FRAS1: variants seen among roughly 807,000 people sequenced by gnomAD.
The protein encoded by FRAS1 is extracellular matrix organizing protein FRAS1.
Under a neutral mutation model 435.2 loss-of-function variants are expected in FRAS1, and 290 were observed. The ratio of observed to expected loss-of-function variants is 0.67; its 90% CI spans 0.61 to 0.73. FRAS1 has a LOEUF of 0.73. Ranked by LOEUF, FRAS1 falls within the 30% of genes least tolerant of loss-of-function variation. The pLI is 0.00. For missense variants in FRAS1, 4,860 were observed against 5,001.5 expected (o/e 0.97, Z 0.85); for synonymous variants, 1,800 against 1,851.0 (o/e 0.97, Z 0.71).
intron 2 of FRAS1, among the ~76,000 whole-genome samples, chr4:78,072,919 G>A (rs1368804817): frequency 6.6e-6 from 1 of 152,140 alleles, no homozygotes; most frequent in Non-Finnish European, 1.5e-5. Context: ...ATCGGGATGA[G>A]TTAGCAGTGG....
intron 6 of FRAS1, among the ~76,000 whole-genome samples, chr4:78,261,271 C>T (rs543507868): frequency 6.6e-6 from 1 of 152,072 alleles, no homozygotes; most frequent in East Asian, 1.9e-4. Flanking sequence ...TTGATAAAGT[C>T]TGAATATTCT....
intron 61 of FRAS1, among the ~76,000 whole-genome samples, chr4:78,504,945 G>T (rs1322451641): frequency 6.6e-6 from 1 of 152,156 alleles, no homozygotes; most frequent in Non-Finnish European, 1.5e-5. Flanking sequence ...CTCAGCATTT[G>T]CTTGTCTCTA....
chr4:78,282,222 C>T (rs1217739434), intron 11 of FRAS1, among the ~76,000 whole-genome samples: 1 of 152,186 alleles, frequency 6.6e-6, no homozygotes, highest in Non-Finnish European at 1.5e-5. Context: ...AATTTGGGTT[C>T]TCTGCCGACT....
chr4:78,532,901 G>T (rs1218238550), intron 70 of FRAS1, among the ~76,000 whole-genome samples: 1 of 152,132 alleles, frequency 6.6e-6, no homozygotes, highest in Non-Finnish European at 1.5e-5. Context: ...GACACTGGTT[G>T]TTTACAAATC....
chr4:78,508,590 A>T, intron 62 of FRAS1, 141 bp from the exon 63 acceptor site: 1 of 821,618 alleles, frequency 1.2e-6, no homozygotes, highest in South Asian at 1.9e-5. Flanking sequence ...TGCCTGGCAA[A>T]GAATTATAAA....
chr4:78,523,816 A>G (rs1721458289), intron 69 of FRAS1, among the ~76,000 whole-genome samples: 1 of 152,142 alleles, frequency 6.6e-6, no homozygotes, highest in Non-Finnish European at 1.5e-5. Flanking sequence ...CTTCATTGCC[A>G]CTTGGATGAA....
chr4:78,065,198 ATACTATATATG>A (rs1035710526), intron 1 of FRAS1, among the ~76,000 whole-genome samples: 3 of 147,360 alleles, frequency 2.0e-5, no homozygotes, highest in Admixed American at 6.9e-5. Context: ...ATATGTGTAT[ATACTATATATG>A]TACTATATAT....
intron 23 of FRAS1, 66 bp downstream of exon 23, chr4:78,370,050 T>G: frequency 6.8e-7 from 1 of 1,480,290 alleles, no homozygotes; most frequent in Non-Finnish European, 9.2e-7. Flanking sequence ...TACTGATGTC[T>G]AGTTTTCCAT....
intron 18 of FRAS1, among the ~76,000 whole-genome samples, chr4:78,320,882 G>A (rs964813910): frequency 2.0e-5 from 3 of 152,236 alleles, no homozygotes; most frequent in African/African-American, 7.2e-5. Flanking sequence ...GGTTGAAAGT[G>A]GAGGAGCTAG....
At chr4:78,363,863 G>T (rs770466342) in intron 21 of FRAS1, 45 bp from the exon 22 acceptor site, 2 of 1,575,744 alleles carry the variant, frequency 1.3e-6, no homozygotes, top group Admixed American at 1.8e-5. Context: ...CTTTGGAAGA[G>T]AATCTGACAT....
intron 2 of FRAS1, among the ~76,000 whole-genome samples, chr4:78,149,493 G>A (rs1352925308): frequency 6.6e-6 from 1 of 152,118 alleles, no homozygotes; most frequent in African/African-American, 2.4e-5. Flanking sequence ...ATTGATTCTT[G>A]AGTCTCCCTC....
chr4:78,103,285 T>G (rs1273397002), intron 2 of FRAS1, among the ~76,000 whole-genome samples: 1 of 152,152 alleles, frequency 6.6e-6, no homozygotes, highest in Non-Finnish European at 1.5e-5. Flanking sequence ...TAGTATTTCC[T>G]TTTTCAATTT....
chr4:78,215,638 A>G (rs942708501), intron 2 of FRAS1, among the ~76,000 whole-genome samples: 1 of 152,082 alleles, frequency 6.6e-6, no homozygotes, highest in Non-Finnish European at 1.5e-5. Context: ...TCCCTTGGCA[A>G]CCTCCATTCT....
chr4:78,159,651 A>T (rs1359808130), intron 2 of FRAS1, among the ~76,000 whole-genome samples: 1 of 152,042 alleles, frequency 6.6e-6, no homozygotes, highest in African/African-American at 2.4e-5. Context: ...GAGGCCAAGG[A>T]GGGTAGATCA....
In FRAS1 at chr4:78,482,608, C is replaced by T. The variant is rs1038605013; in HGVS notation, c.8752+73C>T. The stretch of plus-strand genomic sequence containing the variant: ...TTTTCTTTAACGTCCACATATGTGA[C>T]ATTGGAACTCATTCACATTTTCATT... On this transcript the variant is annotated intron_variant, in intron 58 of 73. Coordinates refer to ENST00000512123, the MANE Select transcript of FRAS1 (RefSeq NM_025074.7). 44 of 1,428,266 alleles carry T rather than the reference C, an allele frequency of 3.1e-5. No individual in the cohort carries two copies. In the African/African-American group the frequency reaches 6.0e-4, roughly 20 times the overall value. 88.5% of individuals were successfully genotyped at this position (1,428,266 alleles called of 1,614,324 possible).
chr4:78,538,929 TG>T (rs1484476512), intron 72 of FRAS1, among the ~76,000 whole-genome samples: 1 of 146,116 alleles, frequency 6.8e-6, no homozygotes, highest in Non-Finnish European at 1.5e-5. Context: ...CACTCCAGCC[TG>T]GGCGACAGAG....
rs116285575 is a variant in FRAS1, at chr4:78,375,611, A to C, written c.3152-128A>C. Reference sequence around the variant, plus strand: ...TATATTCTGTAGGGAAACTGTCAGTATTCTCTTTTGTTACAGTTGGGGCTC... The same window carrying C: ...TATATTCTGTAGGGAAACTGTCAGTCTTCTCTTTTGTTACAGTTGGGGCTC... On this transcript the variant is annotated intron_variant, in intron 25 of 73. Transcript: ENST00000512123. The C allele has an allele frequency of 9.5e-4, 686 of 719,336 alleles. 1 individual carries two copies. In the African/African-American group the frequency reaches 0.011, roughly 12 times the overall value. The allele number at this position is 719,336 out of a possible 1,614,324, so 44.6% of individuals were successfully genotyped here.
In FRAS1 at chr4:78,496,171, T is replaced by G. The variant is rs554681810; in HGVS notation, c.8959-634T>G. 5.3e-5 allele frequency among the ~76,000 whole-genome samples: 8 copies of G among 152,332 alleles called. No homozygotes were observed. The South Asian group carries it at 1.7e-3, about 32-fold the overall frequency. On this transcript the variant is annotated intron_variant, in intron 59 of 73. Coordinates refer to ENST00000512123, the MANE Select transcript of FRAS1 (RefSeq NM_025074.7). ...TTACATTTTCTCAAAAATACAATCCTCAGTAGAGAATATTCTGTTGAGAAA... is the reference window on the plus strand; with the variant it reads ...TTACATTTTCTCAAAAATACAATCCGCAGTAGAGAATATTCTGTTGAGAAA...
chr4:78,243,655 AAT>A (rs33933484), intron 3 of FRAS1, among the ~76,000 whole-genome samples: 38,092 of 150,928 alleles, frequency 0.25, 6,027 homozygotes, highest in Non-Finnish European at 0.36. Context: ...GCCACTAGCA[AAT>A]ATATATATAT....
Sources: allele counts gnomAD v4.1 joint callset (sites outside exome capture counted in the v4.1 genomes callset), GRCh38; gene constraint gnomAD v4.1.1; transcripts MANE v1.5; gene names NCBI Gene and HGNC (gene_info 2026-07-23, HGNC 2026-07-21).